Variants in IMMP2L observed in about 807,000 individuals in gnomAD.
The protein encoded by IMMP2L is mitochondrial inner membrane protease subunit 2.
Under a neutral mutation model 19.3 loss-of-function variants are expected in IMMP2L, and 18 were observed. That is an observed-to-expected ratio of 0.93 (90% confidence interval 0.64 to 1.38). The LOEUF (loss-of-function observed/expected upper bound fraction) is 1.38, where lower values mean the gene tolerates loss of function less well. IMMP2L is among the 40% of genes most tolerant of loss of function. The pLI is 0.00. For synonymous variants in IMMP2L, 76 were observed against 73.0 expected (o/e 1.04, Z -0.21); for missense variants, 233 against 218.2 (o/e 1.07, Z -0.43).
chr7:110,820,720 C>T (rs1802948442), intron 5 of IMMP2L, among the ~76,000 whole-genome samples: 1 of 151,968 alleles, frequency 6.6e-6, no homozygotes, highest in South Asian at 2.1e-4. Flanking sequence ...AATTTTTCAA[C>T]TCAAATTATA....
intron 3 of IMMP2L, among the ~76,000 whole-genome samples, chr7:111,451,830 C>T (rs542862430): frequency 1.3e-3 from 199 of 151,920 alleles, no homozygotes; most frequent in African/African-American, 4.5e-3. Flanking sequence ...AGAAATCCTA[C>T]GTTTTCTCTC....
chr7:111,132,974 A>T (rs2129594621), intron 3 of IMMP2L, among the ~76,000 whole-genome samples: 1 of 152,154 alleles, frequency 6.6e-6, no homozygotes, highest in South Asian at 2.1e-4. Context: ...CTATGTTCTC[A>T]TCCCAAATGA....
At chr7:111,524,040 T>G (rs1846602739) in intron 1 of IMMP2L, among the ~76,000 whole-genome samples, 1 of 152,112 alleles carries the variant, frequency 6.6e-6, no homozygotes, top group Non-Finnish European at 1.5e-5. Flanking sequence ...TATCATGTAC[T>G]ACCTCCATTA....
At chr7:111,407,004 C>T (rs1003913759) in intron 3 of IMMP2L, among the ~76,000 whole-genome samples, 3 of 152,084 alleles carry the variant, frequency 2.0e-5, no homozygotes, top group African/African-American at 7.2e-5. Context: ...CCGACATATA[C>T]ATAATGAAAT....
At chr7:110,983,813 A>G (rs1821556393) in intron 3 of IMMP2L, among the ~76,000 whole-genome samples, 1 of 151,994 alleles carries the variant, frequency 6.6e-6, no homozygotes, top group Admixed American at 6.6e-5. Context: ...GAGAATGGGA[A>G]AAAGGCTATT....
At chr7:110,944,764 A>C (rs1450267801) in intron 4 of IMMP2L, among the ~76,000 whole-genome samples, 3 of 151,820 alleles carry the variant, frequency 2.0e-5, no homozygotes, top group Non-Finnish European at 4.4e-5. Context: ...TTACTCATAT[A>C]CAAGTGTATG....
At chr7:110,811,441 G>A (rs1438033131) in intron 5 of IMMP2L, among the ~76,000 whole-genome samples, 1 of 152,014 alleles carries the variant, frequency 6.6e-6, no homozygotes, top group African/African-American at 2.4e-5. Context: ...ACAAATATAA[G>A]GGATGGCAAT....
chr7:111,168,862 C>G (rs1331793581), intron 3 of IMMP2L, among the ~76,000 whole-genome samples: 1 of 151,692 alleles, frequency 6.6e-6, no homozygotes, highest in Non-Finnish European at 1.5e-5. Context: ...TATCAGTTTG[C>G]AAGGAGTACC....
intron 5 of IMMP2L, among the ~76,000 whole-genome samples, chr7:110,752,288 A>G (rs1797772911): frequency 6.6e-6 from 1 of 151,956 alleles, no homozygotes; most frequent in African/African-American, 2.4e-5. Flanking sequence ...ATAATTGGCC[A>G]TTACTGTAGA....
chr7:111,238,566 A>G (rs1165263553), intron 3 of IMMP2L, among the ~76,000 whole-genome samples: 1 of 151,940 alleles, frequency 6.6e-6, no homozygotes, highest in African/African-American at 2.4e-5. Context: ...GGGTCAATTT[A>G]ATATAATTCT....
chr7:110,761,017 T>A (rs114317057), intron 5 of IMMP2L, among the ~76,000 whole-genome samples: 126 of 152,244 alleles, frequency 8.3e-4, no homozygotes, highest in African/African-American at 2.9e-3. Context: ...ATACAGGGCT[T>A]GCTGATGAGT....
chr7:111,183,336 C>G (rs1807920383), intron 3 of IMMP2L, among the ~76,000 whole-genome samples: 1 of 151,966 alleles, frequency 6.6e-6, no homozygotes, highest in African/African-American at 2.4e-5. Context: ...AACTGTAGTT[C>G]TGATTACAAA....
intron 3 of IMMP2L, among the ~76,000 whole-genome samples, chr7:111,018,156 G>T (rs918777016): frequency 6.6e-6 from 1 of 152,112 alleles, no homozygotes; most frequent in African/African-American, 2.4e-5. Flanking sequence ...GAAGGAGGAG[G>T]AATGTAATAA....
intron 5 of IMMP2L, among the ~76,000 whole-genome samples, chr7:110,839,331 A>T (rs1804814523): frequency 6.6e-6 from 1 of 151,412 alleles, no homozygotes; most frequent in Non-Finnish European, 1.5e-5. Context: ...CTTGGATAAT[A>T]AAAAAAAAGT....
At chr7:111,004,544 G>C (rs534279058) in intron 3 of IMMP2L, among the ~76,000 whole-genome samples, 1 of 151,508 alleles carries the variant, frequency 6.6e-6, no homozygotes, top group Non-Finnish European at 1.5e-5. Context: ...TGATTGCTAT[G>C]GTCCAAAGTT....
At chr7:110,891,871 A>C (rs980940541) in intron 4 of IMMP2L, among the ~76,000 whole-genome samples, 1 of 152,202 alleles carries the variant, frequency 6.6e-6, no homozygotes, top group Admixed American at 6.5e-5. Flanking sequence ...TATGGGAAGC[A>C]TTGTAAGAAA....
intron 5 of IMMP2L, among the ~76,000 whole-genome samples, chr7:110,667,430 T>C (rs527244314): frequency 1.3e-5 from 2 of 152,338 alleles, no homozygotes; most frequent in South Asian, 2.1e-4. Context: ...AAGCTGTGAA[T>C]ATGTTAGAGA....
At position 110,799,075 on chromosome 7, in the gene IMMP2L, A is replaced by G. The variant is rs537132741; in HGVS notation, c.408+87518T>C. ...TTTACCGAATTATAAATAAATTTTG[A>G]AAAAAATGTAAAGGAATAAGTGAAC... is the stretch of plus-strand genomic sequence containing the variant. On this transcript the variant is annotated intron_variant, in intron 5 of 5. Transcript: ENST00000405709. Among the ~76,000 whole-genome samples the G allele has an allele frequency of 5.7e-4, 86 of 152,100 alleles. 1 individual carries two copies. In the South Asian group the frequency reaches 0.015, roughly 26 times the overall value.
chr7:111,063,305 G>A (rs1429487248), intron 3 of IMMP2L, among the ~76,000 whole-genome samples: 1 of 152,192 alleles, frequency 6.6e-6, no homozygotes, highest in Non-Finnish European at 1.5e-5. Flanking sequence ...CATGGCTGGA[G>A]CAGCTGGGAT....
Sources: allele counts gnomAD v4.1 joint callset (sites outside exome capture counted in the v4.1 genomes callset), GRCh38; gene constraint gnomAD v4.1.1; transcripts MANE v1.5; gene names NCBI Gene and HGNC (gene_info 2026-07-23, HGNC 2026-07-21).